The following ITGAM variants were observed in gnomAD, a reference collection of about 807,000 sequenced individuals.
ITGAM encodes the protein integrin alpha-M.
Under a neutral mutation model 137.5 loss-of-function variants are expected in ITGAM, and 79 were observed. The observed-to-expected ratio is 0.57, with a 90% CI of 0.48 to 0.69. The LOEUF (loss-of-function observed/expected upper bound fraction) is 0.69. Among genes scored for constraint, ITGAM ranks in the 30% least tolerant of loss-of-function variants. ITGAM has a pLI of 0.00. For synonymous variants in ITGAM, 583 were observed against 592.3 expected (o/e 0.98, Z 0.23); for missense variants, 1,343 against 1,483.5 (o/e 0.91, Z 1.56).
chr16:31,278,396 T>C (rs1330853675), intron 12 of ITGAM, among the ~76,000 whole-genome samples: 1 of 152,152 alleles, frequency 6.6e-6, no homozygotes, highest in Admixed American at 6.5e-5. Context: ...TGTTAGTTAA[T>C]AAAATATTGA....
chr16:31,277,302 C>T (rs996049383), intron 11 of ITGAM, among the ~76,000 whole-genome samples: 4 of 151,918 alleles, frequency 2.6e-5, no homozygotes, highest in African/African-American at 7.3e-5. Flanking sequence ...AAGCGATTCT[C>T]CTACCTCAGT....
At chr16:31,262,251 CTTCCTTCCTTCT>C (rs1236671272) in intron 2 of ITGAM, among the ~76,000 whole-genome samples, 6 of 151,660 alleles carry the variant, frequency 4.0e-5, no homozygotes, top group African/African-American at 1.5e-4. Flanking sequence ...CCCTTCCTTC[CTTCCTTCCTTCT>C]TTCCTTCCTT....
chr16:31,307,776 CT>C (rs2080280914), intron 14 of ITGAM, among the ~76,000 whole-genome samples: 1 of 151,964 alleles, frequency 6.6e-6, no homozygotes, highest in Non-Finnish European at 1.5e-5. Flanking sequence ...ATGATATTGG[CT>C]GTGGGTTTGT....
chr16:31,262,341 T>TTCCA (rs1475066311), intron 2 of ITGAM, among the ~76,000 whole-genome samples: 73 of 14,470 alleles, frequency 5.0e-3, no homozygotes, highest in Non-Finnish European at 0.011. Context: ...CCTTCCATCC[T>TTCCA]TCCTTCCTTC....
At chr16:31,302,390 T>TTTTTC (rs1275319760) in intron 14 of ITGAM, among the ~76,000 whole-genome samples, 1 of 149,192 alleles carries the variant, frequency 6.7e-6, no homozygotes, top group Non-Finnish European at 1.5e-5. Context: ...TTTCTTTTCT[T>TTTTTC]TTTTCTTTTC....
rs1400968587 is a variant in ITGAM at position 31,261,740 on chromosome 16, C to T, written c.77C>T (p.Thr26Ile). The change falls in exon 2 of 30, where the codon ACC (threonine) becomes ATC (isoleucine). Residue 26 changes from threonine to isoleucine, a missense_variant. Thr to Ile is a moderately conservative substitution (Grantham distance 89). Transcript: ENST00000544665. ...AACTTGGACACTGAAAACGCAATGA[C>T]CTTCCAAGAGAACGCAAGGGGCTTC... ...GFNLDTENAM[T>I]FQENARGFGQ... The T allele has an allele frequency of 6.2e-7, 1 of 1,613,262 alleles. No individual in the cohort carries two copies. Among genetic ancestry groups the T allele is most frequent in the Non-Finnish European group, 8.5e-7 (1 of 1,179,664 alleles).
intron 12 of ITGAM, among the ~76,000 whole-genome samples, chr16:31,279,591 T>C (rs2079946119): frequency 6.6e-6 from 1 of 152,188 alleles, no homozygotes; most frequent in Non-Finnish European, 1.5e-5. Flanking sequence ...GGTTGTTTGA[T>C]TTTTTCTTGT....
intron 14 of ITGAM, among the ~76,000 whole-genome samples, chr16:31,299,060 A>G (rs2080168401): frequency 6.6e-6 from 1 of 151,634 alleles, no homozygotes; most frequent in South Asian, 2.1e-4. Flanking sequence ...CTAGCCTTAC[A>G]TTTTTCTTTC....
At chr16:31,297,990 C>T in intron 14 of ITGAM, 36 bp downstream of exon 14, 1 of 1,534,526 alleles carries the variant, frequency 6.5e-7, no homozygotes, top group East Asian at 2.3e-5. Flanking sequence ...ATGACAGTAG[C>T]CTCTTTGTTG....
At chr16:31,326,716 C>T in intron 21 of ITGAM, 140 bp from the exon 22 acceptor site, 1 of 677,388 alleles carries the variant, frequency 1.5e-6, no homozygotes, top group Non-Finnish European at 2.6e-6. Context: ...CGCACCTGGC[C>T]TTCATTGCTT....
chr16:31,294,235 T>G (rs2080112058), intron 12 of ITGAM, among the ~76,000 whole-genome samples: 2 of 152,194 alleles, frequency 1.3e-5, no homozygotes, highest in Admixed American at 6.5e-5. Flanking sequence ...CCTTTTTTCT[T>G]TCTTTTGCCT....
chr16:31,314,787 T>A (rs2080372815), intron 14 of ITGAM, among the ~76,000 whole-genome samples: 1 of 151,938 alleles, frequency 6.6e-6, no homozygotes, highest in Non-Finnish European at 1.5e-5. Flanking sequence ...CAGCAAACGG[T>A]TAGGCTGTTC....
intron 14 of ITGAM, among the ~76,000 whole-genome samples, chr16:31,303,314 A>T (rs1481695274): frequency 1.3e-5 from 2 of 152,172 alleles, no homozygotes; most frequent in Non-Finnish European, 2.9e-5. Flanking sequence ...GATGTGAGCC[A>T]CTGCACCCAG....
At chr16:31,299,552 A>G (rs1406724376) in intron 14 of ITGAM, among the ~76,000 whole-genome samples, 1 of 151,990 alleles carries the variant, frequency 6.6e-6, no homozygotes, top group Non-Finnish European at 1.5e-5. Flanking sequence ...CAAGTGATCC[A>G]CCTGCCTTGG....
chr16:31,326,818 C>T (rs780494928), intron 21 of ITGAM, 38 bp from the exon 22 acceptor site: 5 of 1,415,212 alleles, frequency 3.5e-6, no homozygotes, highest in Non-Finnish European at 4.0e-6. Context: ...TTTTTTCTCT[C>T]ATATTTCTGT....
chr16:31,305,729 T>G (rs2080258424), intron 14 of ITGAM, among the ~76,000 whole-genome samples: 1 of 152,196 alleles, frequency 6.6e-6, no homozygotes, highest in South Asian at 2.1e-4. Context: ...ATTATATAGT[T>G]TTCTTCTTTA....
At position 31,321,489 on chromosome 16, in the gene ITGAM, G is replaced by A; in HGVS notation, c.1864G>A (p.Ala622Thr). The change falls in exon 16 of 30, where the codon GCA becomes ACA. Residue 622 changes from alanine to threonine, a missense_variant. Coordinates refer to ENST00000544665, the MANE Select transcript of ITGAM (RefSeq NM_000632.4). ...LRSQPVLRVK[A>T]IMEFNPREVA... The stretch of plus-strand genomic sequence containing the variant: ...GTCCCAGCCAGTACTGAGAGTCAAG[G>A]CAATCATGGAGTTCAATCCCAGGGA... 1 of 1,614,016 alleles carries A rather than the reference G, an allele frequency of 6.2e-7. No individual in the cohort carries two copies. The highest frequency in any genetic ancestry group is 8.5e-7 in the Non-Finnish European group (1 of 1,179,884).
At chr16:31,290,890 G>A (rs951728172) in intron 12 of ITGAM, among the ~76,000 whole-genome samples, 7 of 152,066 alleles carry the variant, frequency 4.6e-5, no homozygotes, top group African/African-American at 1.4e-4. Context: ...TCAGGATATA[G>A]GAGCAATGTA....
At chr16:31,298,478 T>C (rs1352530995) in intron 14 of ITGAM, among the ~76,000 whole-genome samples, 1 of 152,190 alleles carries the variant, frequency 6.6e-6, no homozygotes, top group Non-Finnish European at 1.5e-5. Flanking sequence ...AGGTGCATGA[T>C]AGCCTCATCA....
Sources: gnomAD v4.1 joint callset for allele counts (sites outside exome capture counted in the v4.1 genomes callset) on GRCh38, gnomAD v4.1.1 for gene constraint, MANE v1.5 for transcripts, NCBI Gene and HGNC (gene_info 2026-07-23, HGNC 2026-07-21) for gene names.